Variants in MPDZ observed in about 807,000 individuals in gnomAD.
MPDZ encodes multiple PDZ domain protein.
Under a neutral mutation model 239.1 loss-of-function variants are expected in MPDZ, and 234 were observed. That is an observed-to-expected ratio of 0.98 (90% CI 0.88 to 1.09). The LOEUF is 1.09. Among genes scored for constraint, MPDZ ranks in the 50% least tolerant of loss-of-function variants. MPDZ has a pLI of 0.00. For missense variants in MPDZ, 3,175 were observed against 2,510.0 expected (o/e 1.26, Z -5.66); for synonymous variants, 1,048 against 881.3 (o/e 1.19, Z -3.35).
intron 2 of MPDZ, among the ~76,000 whole-genome samples, chr9:13,250,068 T>C (rs1967524149): frequency 6.6e-6 from 1 of 152,198 alleles, no homozygotes; most frequent in Non-Finnish European, 1.5e-5. Flanking sequence ...ATTGGAAGAA[T>C]ATCTCATATG....
intron 39 of MPDZ, among the ~76,000 whole-genome samples, chr9:13,115,978 A>C (rs890108853): frequency 1.3e-5 from 2 of 150,880 alleles, no homozygotes; most frequent in Admixed American, 1.3e-4. Context: ...AAAAAAGCGA[A>C]CACAATAAAA....
At chr9:13,149,565 C>A (rs924655501) in intron 25 of MPDZ, among the ~76,000 whole-genome samples, 1 of 152,018 alleles carries the variant, frequency 6.6e-6, no homozygotes, top group African/African-American at 2.4e-5. Context: ...TAATTTATCA[C>A]ACTGTTCTGA....
chr9:13,221,984 G>A (rs1341695071), intron 6 of MPDZ, among the ~76,000 whole-genome samples: 6 of 151,946 alleles, frequency 3.9e-5, no homozygotes, highest in African/African-American at 1.4e-4. Context: ...TTTGTTAAAG[G>A]ACTACATTTT....
chr9:13,208,305 G>A (rs892960314), intron 10 of MPDZ, among the ~76,000 whole-genome samples: 17 of 151,944 alleles, frequency 1.1e-4, no homozygotes, highest in African/African-American at 3.9e-4. Flanking sequence ...TTACCCAGGC[G>A]TATTGGCACA....
rs1950013765 is a variant in MPDZ, at chr9:13,157,861, C to T, written c.3452+157G>A. On this transcript the variant is annotated intron_variant, in intron 24 of 46. Coordinates refer to ENST00000319217, the MANE Select transcript of MPDZ (RefSeq NM_001378778.1). ...AACCCTGTGTGATACACATTATTCT[C>T]TCCACTGTATACATTAAAAAATGAT... Among the ~76,000 whole-genome samples the T allele has an allele frequency of 2.0e-5, 3 of 152,116 alleles. No homozygotes were observed. In the South Asian group the frequency reaches 6.2e-4, roughly 31 times the overall value.
intron 32 of MPDZ, among the ~76,000 whole-genome samples, chr9:13,133,094 T>A (rs1275270573): frequency 6.6e-6 from 1 of 152,198 alleles, no homozygotes; most frequent in Non-Finnish European, 1.5e-5. Flanking sequence ...TACATTTAAA[T>A]GTTTCATAAT....
chr9:13,111,979 T>G (rs1942559751), intron 43 of MPDZ, 45 bp downstream of exon 43: 1 of 1,604,192 alleles, frequency 6.2e-7, no homozygotes, highest in Non-Finnish European at 8.5e-7. Context: ...TAAAAACACT[T>G]CTGCACATTT....
chr9:13,200,144 C>CT (rs1956207744), intron 12 of MPDZ, among the ~76,000 whole-genome samples: 1 of 151,708 alleles, frequency 6.6e-6, no homozygotes, highest in South Asian at 2.1e-4. Flanking sequence ...TTCAAGTTTT[C>CT]TATTTCTTCA....
chr9:13,195,384 G>C (rs774599783), intron 13 of MPDZ, among the ~76,000 whole-genome samples: 2 of 152,030 alleles, frequency 1.3e-5, no homozygotes, highest in Non-Finnish European at 2.9e-5. Context: ...TGCTATAAAC[G>C]CTAGTTATTA....
chr9:13,277,521 T>C (rs1974506836), intron 1 of MPDZ, among the ~76,000 whole-genome samples: 1 of 152,112 alleles, frequency 6.6e-6, no homozygotes, highest in Admixed American at 6.5e-5. Context: ...TATTAGAAGA[T>C]CAAGTCAAGG....
chr9:13,126,785 A>C lies in MPDZ; in HGVS notation c.4465-13T>G. 1 of 1,607,242 alleles carries C rather than the reference A, an allele frequency of 6.2e-7. No individual in the cohort carries two copies. The highest frequency in any genetic ancestry group is 1.1e-5 in the South Asian group (1 of 90,934). On this transcript the variant is annotated splice_polypyrimidine_tract_variant and intron_variant, in intron 32 of 46. Coordinates refer to ENST00000319217, the MANE Select transcript of MPDZ (RefSeq NM_001378778.1). ...AACCCCCCTGATCCTAGAAAAGTAA[A>C]AACAAAAATGCTCAGAAGACTTGAA...
chr9:13,279,276 T>TCCCCCCCC (rs1975072462), intron 1 of MPDZ, 124 bp downstream of exon 1: 1 of 102,374 alleles, frequency 9.8e-6, no homozygotes, highest in African/African-American at 3.9e-5. Flanking sequence ...CCCACCCCCA[T>TCCCCCCCC]CCCCGCCCCC....
At chr9:13,141,539 A>G (rs191059285) in intron 27 of MPDZ, among the ~76,000 whole-genome samples, 3 of 152,314 alleles carry the variant, frequency 2.0e-5, no homozygotes, top group South Asian at 2.1e-4. Context: ...TTTTTACTGC[A>G]TAAGAATTCC....
At chr9:13,116,100 A>T (rs1270087039) in intron 39 of MPDZ, among the ~76,000 whole-genome samples, 2 of 152,182 alleles carry the variant, frequency 1.3e-5, no homozygotes, top group Non-Finnish European at 2.9e-5. Flanking sequence ...TATGATATAA[A>T]ATTTAGATAA....
intron 3 of MPDZ, among the ~76,000 whole-genome samples, chr9:13,236,370 C>G (rs1964058392): frequency 6.8e-6 from 1 of 146,550 alleles, no homozygotes; most frequent in Non-Finnish European, 1.5e-5. Context: ...CTCTGCCTCC[C>G]AGGTTCAAAC....
Position 13,106,913 on chromosome 9 carries a change from T to TTAG in MPDZ, c.*51_*52insCTA. ...AATTGTCAGGACCAGTGCATTCTCT[T>TTAG]TACAGTAGGAGGTGAGCTAGGGGTT... On this transcript the variant is annotated 3_prime_UTR_variant, in exon 47 of 47. Coordinates refer to ENST00000319217, the MANE Select transcript of MPDZ (RefSeq NM_001378778.1). 3.8e-6 allele frequency: 6 copies of TTAG among 1,597,184 alleles called. No homozygotes were observed. Among genetic ancestry groups the TTAG allele is most frequent in the Non-Finnish European group, 5.1e-6 (6 of 1,166,600 alleles).
intron 38 of MPDZ, among the ~76,000 whole-genome samples, chr9:13,121,077 T>C (rs1944271126): frequency 6.6e-6 from 1 of 152,222 alleles, no homozygotes; most frequent in African/African-American, 2.4e-5. Context: ...ACTTTTAAAA[T>C]GTACTCATAT....
At chr9:13,111,119 T>A (rs573717333) in intron 43 of MPDZ, among the ~76,000 whole-genome samples, 2 of 152,330 alleles carry the variant, frequency 1.3e-5, no homozygotes, top group African/African-American at 4.8e-5. Flanking sequence ...AAGTCGGAGG[T>A]TGGCAAACTA....
At chr9:13,151,660 C>T (rs1949190557) in intron 24 of MPDZ, among the ~76,000 whole-genome samples, 1 of 151,894 alleles carries the variant, frequency 6.6e-6, no homozygotes, top group African/African-American at 2.4e-5. Context: ...GGAGTTATTG[C>T]TTAATGGGTA....
Sources: gnomAD v4.1 joint callset for allele counts (sites outside exome capture counted in the v4.1 genomes callset) on GRCh38, gnomAD v4.1.1 for gene constraint, MANE v1.5 for transcripts, NCBI Gene and HGNC (gene_info 2026-07-23, HGNC 2026-07-21) for gene names.